Variants in TRPT1 observed in about 807,000 individuals in gnomAD.
TRPT1 encodes the protein tRNA 2'-phosphotransferase 1.
A neutral mutation model predicts 28.4 loss-of-function variants in TRPT1; 22 were observed. The ratio of observed to expected loss-of-function variants is 0.78; its 90% CI spans 0.55 to 1.11. TRPT1 has a LOEUF of 1.11. Among genes scored for constraint, TRPT1 ranks in the 50% least tolerant of loss-of-function variants. The pLI is 0.00. For missense variants in TRPT1, 308 were observed against 317.7 expected, an observed-to-expected ratio of 0.97 and a Z score of 0.23; for synonymous variants, 137 against 132.4, an observed-to-expected ratio of 1.03 and a Z score of -0.24.
intron 3 of TRPT1, 150 bp from the exon 4 acceptor site, chr11:64,225,120 C>T (rs1055980008): frequency 3.8e-5 from 34 of 892,158 alleles, no homozygotes; most frequent in Admixed American, 5.8e-5. Context: ...CTTTCTGGGC[C>T]GCAGTTTTTT....
chr11:64,224,284 C>A lies in TRPT1; in HGVS notation c.559+1G>T. The A allele has an allele frequency of 1.9e-6, 3 of 1,613,876 alleles. No individual in the cohort carries two copies. Among genetic ancestry groups the A allele is most frequent in the Non-Finnish European group, 2.5e-6 (3 of 1,180,034 alleles). ...GCAGCTCCTGCTTTGTCCAGACTCA[C>A]CTGCCAGAGCCAGGGGTCCATCGAT... On this transcript the variant is annotated splice_donor_variant, in intron 6 of 7. Transcript: ENST00000317459. LOFTEE classifies it high-confidence loss of function.
chr11:64,223,888 C>T lies in TRPT1; in HGVS notation c.750G>A (p.Arg250=), dbSNP rs1455864903. 1.9e-6 allele frequency: 3 copies of T among 1,600,884 alleles called. No individual in the cohort carries two copies. Among genetic ancestry groups the T allele is most frequent in the African/African-American group, 1.3e-5 (1 of 74,268 alleles). Residue 250 remains arginine (R), a synonymous_variant, in exon 8 of 8, where the codon AGG becomes AGA. Coordinates refer to ENST00000317459, the MANE Select transcript of TRPT1 (RefSeq NM_001033678.4). ...SPKHSSRERR[R]IQQ is the part of the protein sequence containing the mutation. Reference sequence around the variant, plus strand: ...ATAAATTAATATTTTATTGTTGGATCCTCCTCCTTTCTCTGGAGCTGTGCT... The same window carrying T: ...ATAAATTAATATTTTATTGTTGGATTCTCCTCCTTTCTCTGGAGCTGTGCT...
intron 3 of TRPT1, 143 bp from the exon 4 acceptor site, chr11:64,225,113 T>C: frequency 3.2e-6 from 3 of 926,754 alleles, no homozygotes. Context: ...GTCTCCCCTT[T>C]CTGGGCCGCA....
chr11:64,224,649 T>C lies in TRPT1; in HGVS notation c.396A>G (p.Thr132=), dbSNP rs1394985670. The change falls in exon 5 of 8, where the codon ACA becomes ACG. Residue 132 remains threonine, a synonymous_variant. Coordinates refer to ENST00000317459, the MANE Select transcript of TRPT1 (RefSeq NM_001033678.4). ...GGATGGATGGCCAGTGCTTCCAGAA[T>C]GTACCATGGACTAGCATCGGGGGCA... is the stretch of plus-strand genomic sequence containing the variant. ...QALPPMLVHG[T]FWKHWPSILL... 6.2e-7 allele frequency: 1 copy of C among 1,608,382 alleles called. No homozygotes were observed. The highest frequency in any genetic ancestry group is 1.7e-5 in the Admixed American group (1 of 59,626).
At chr11:64,225,682 G>A in intron 2 of TRPT1, 102 bp from the exon 3 acceptor site, 1 of 1,400,746 alleles carries the variant, frequency 7.1e-7, no homozygotes, top group Non-Finnish European at 9.9e-7. Context: ...CAGAGAGAAA[G>A]GAGTGCCAGT....
At chr11:64,225,348 G>C in intron 3 of TRPT1, 151 bp downstream of exon 3, 1 of 663,332 alleles carries the variant, frequency 1.5e-6, no homozygotes, top group South Asian at 1.9e-5. Context: ...ACATGACAGG[G>C]GCTCTAGGCC....
chr11:64,223,843 C>G lies in TRPT1; in HGVS notation c.*33G>C. On this transcript the variant is annotated 3_prime_UTR_variant, in exon 8 of 8. Coordinates refer to ENST00000317459, the MANE Select transcript of TRPT1 (RefSeq NM_001033678.4). Reference sequence around the variant, plus strand: ...GTTTCAAACGAGTTCTTTCTTGTTACTTTTTAAAATTTCTTTTTTATAAAT... The same window carrying G: ...GTTTCAAACGAGTTCTTTCTTGTTAGTTTTTAAAATTTCTTTTTTATAAAT... 1 of 1,426,172 alleles carries G rather than the reference C, an allele frequency of 7.0e-7. No homozygotes were observed. The highest frequency in any genetic ancestry group is 9.5e-7 in the Non-Finnish European group (1 of 1,048,746). The allele number at this position is 1,426,172 out of a possible 1,614,324, so 88.3% of individuals were successfully genotyped here.
Position 64,224,669 on chromosome 11 carries a change from G to C in TRPT1, c.376C>G (p.Pro126Ala). The C allele has an allele frequency of 6.2e-7, 1 of 1,605,478 alleles. No individual in the cohort carries two copies. Among genetic ancestry groups the C allele is most frequent in the Non-Finnish European group, 8.5e-7 (1 of 1,175,034 alleles). The change falls in exon 5 of 8, where the codon CCG becomes GCG. Residue 126 changes from proline to alanine, a missense_variant. Physicochemically the swap from Pro to Ala is conservative, Grantham distance 27 (BLOSUM62 -1). Coordinates refer to ENST00000317459, the MANE Select transcript of TRPT1 (RefSeq NM_001033678.4). ...MPLETPQALP[P>A]MLVHGTFWKH... ...CAGAATGTACCATGGACTAGCATCG[G>C]GGGCAGGGCCTGCGGTGTCTCCAGG... is the stretch of plus-strand genomic sequence containing the variant.
rs373932428 is a variant in TRPT1 at position 64,226,158 on chromosome 11, C to G, written c.-118G>C. On this transcript the variant is annotated 5_prime_UTR_variant, in exon 1 of 8. Coordinates refer to ENST00000317459, the MANE Select transcript of TRPT1 (RefSeq NM_001033678.4). ...GAGGCAGGGCCGACGTGCCGACGGA[C>G]CGGGCGGAAGCGTCGGGGCGGCGGG... 25 of 432,866 alleles carry G rather than the reference C, an allele frequency of 5.8e-5. No individual in the cohort carries two copies. Among genetic ancestry groups the G allele is most frequent in the African/African-American group, 4.1e-4 (20 of 48,356 alleles). The allele number at this position is 432,866 out of a possible 1,614,324, so 26.8% of individuals were successfully genotyped here. A position where few individuals can be genotyped will look rare whatever the true frequency, so the allele number is the denominator to read the frequency against.
chr11:64,225,506 C>A lies in TRPT1; in HGVS notation c.150G>T (p.Met50Ile). Residue 50 changes from methionine (M) to isoleucine (I), a missense_variant, in exon 3 of 8, where the codon ATG (methionine) becomes ATT (isoleucine). Physicochemically the swap from Met to Ile is conservative, Grantham distance 10. Transcript: ENST00000317459. Reference protein sequence around the residue: ...RHGALKLGLPMGADGFVPLGT... With the variant: ...RHGALKLGLPIGADGFVPLGT... ...TCCAAGGCCCCTACTTACCAGCTCC[C>A]ATGGGAAGCCCCAGCTTCAAGGCCC... The A allele has an allele frequency of 6.2e-7, 1 of 1,612,796 alleles. No homozygotes were observed. Among genetic ancestry groups the A allele is most frequent in the Non-Finnish European group, 8.5e-7 (1 of 1,179,576 alleles).
Position 64,225,553 on chromosome 11 carries a change from G to C in TRPT1, c.103C>G (p.Leu35Val), listed in dbSNP as rs761940332. The change falls in exon 3 of 8, where the codon CTG (leucine) becomes GTG (valine). Residue 35 changes from leucine to valine, a missense_variant. Coordinates refer to ENST00000317459, the MANE Select transcript of TRPT1 (RefSeq NM_001033678.4). ...GCCCCATGGCGCAGGGCATAGGACAGAGCCTTGGACAGCTGCACGTCTCGG... is the reference window on the plus strand; with the variant it reads ...GCCCCATGGCGCAGGGCATAGGACACAGCCTTGGACAGCTGCACGTCTCGG... ...QDRDVQLSKA[L>V]SYALRHGALK... 1.2e-6 allele frequency: 2 copies of C among 1,612,536 alleles called. No homozygotes were observed. The highest frequency in any genetic ancestry group is 1.7e-5 in the Admixed American group (1 of 59,904).
chr11:64,226,124 G>A lies in TRPT1; in HGVS notation c.-84C>T, dbSNP rs956394925. On this transcript the variant is annotated 5_prime_UTR_variant, in exon 1 of 8. Coordinates refer to ENST00000317459, the MANE Select transcript of TRPT1 (RefSeq NM_001033678.4). ...CCAGATCGCTGGTGCGCCCCGCAGGGTGGTCCGGGAGGCAGGGCCGACGTG... is the reference window on the plus strand; with the variant it reads ...CCAGATCGCTGGTGCGCCCCGCAGGATGGTCCGGGAGGCAGGGCCGACGTG... 1 of 490,916 alleles carries A rather than the reference G, an allele frequency of 2.0e-6. No homozygotes were observed. The allele number at this position is 490,916 out of a possible 1,614,324, so 30.4% of individuals were successfully genotyped here.
rs773913933 is a variant in TRPT1 at position 64,224,108 on chromosome 11, C to T, written c.662G>A (p.Arg221His). ...PKYFKEALQL[R>H]PTRKPLSLAG... is the part of the protein sequence containing the mutation. ...GGGGTGGTGGTTCTCACGGGTAGGG[C>T]GTAGCTGCAGGGCCTCCTTGAAGTA... The change falls in exon 7 of 8, where the codon CGC becomes CAC. Residue 221 changes from arginine (R) to histidine (H), a missense_variant. Physicochemically the swap from Arg to His is conservative, Grantham distance 29. Coordinates refer to ENST00000317459, the MANE Select transcript of TRPT1 (RefSeq NM_001033678.4). 1.9e-5 allele frequency: 31 copies of T among 1,607,368 alleles called. No homozygotes were observed. The South Asian group carries it at 2.5e-4, about 13-fold the overall frequency.
intron 3 of TRPT1, 76 bp from the exon 4 acceptor site, chr11:64,225,046 C>A (rs1210242835): frequency 6.1e-6 from 9 of 1,471,734 alleles, no homozygotes; most frequent in Non-Finnish European, 8.2e-6. Context: ...CACAGGCAAC[C>A]GAAACAAAGT....
At position 64,225,764 on chromosome 11, in the gene TRPT1, G is replaced by C. The variant is rs369451294; in HGVS notation, c.75+22C>G. On this transcript the variant is annotated intron_variant, in intron 2 of 7. Coordinates refer to ENST00000317459, the MANE Select transcript of TRPT1 (RefSeq NM_001033678.4). ...CCCAGGGAGCCTGGACTGGTGGGAG[G>C]GGGTGGGGAGGAGGCGCGCACCTGT... 3.3e-6 allele frequency: 5 copies of C among 1,531,750 alleles called. No individual in the cohort carries two copies. In the African/African-American group the frequency reaches 5.5e-5, roughly 17 times the overall value. The allele number at this position is 1,531,750 out of a possible 1,614,324, so 94.9% of individuals were successfully genotyped here.
chr11:64,225,721 C>G, intron 2 of TRPT1, 65 bp downstream of exon 2: 1 of 1,421,920 alleles, frequency 7.0e-7, no homozygotes, highest in Non-Finnish European at 9.7e-7. Context: ...GACCCTTCAG[C>G]TCCGCCCCCC....
intron 1 of TRPT1, 57 bp from the exon 2 acceptor site, chr11:64,225,926 C>A: frequency 1.9e-6 from 2 of 1,055,542 alleles, no homozygotes; most frequent in Non-Finnish European, 2.8e-6. Context: ...CGTCCCCATC[C>A]CTCCCAGAAA....
In TRPT1 at chr11:64,224,651, T is replaced by C; in HGVS notation, c.394A>G (p.Thr132Ala). The C allele has an allele frequency of 6.2e-7, 1 of 1,608,050 alleles. No homozygotes were observed. The highest frequency in any genetic ancestry group is 8.5e-7 in the Non-Finnish European group (1 of 1,176,434). ...QALPPMLVHG[T>A]FWKHWPSILL... The stretch of plus-strand genomic sequence containing the variant: ...ATGGATGGCCAGTGCTTCCAGAATG[T>C]ACCATGGACTAGCATCGGGGGCAGG... The change falls in exon 5 of 8, where the codon ACA becomes GCA. Residue 132 changes from threonine to alanine, a missense_variant. Transcript: ENST00000317459.
At chr11:64,225,182 C>A in intron 3 of TRPT1, 1 of 635,180 alleles carries the variant, frequency 1.6e-6, no homozygotes, top group Non-Finnish European at 2.7e-6. Context: ...GAGGTGAGTG[C>A]CCAGCATAGC....
Sources: allele counts gnomAD v4.1 joint callset, GRCh38; gene constraint gnomAD v4.1.1; transcripts MANE v1.5; gene names NCBI Gene and HGNC (gene_info 2026-07-23, HGNC 2026-07-21).